CPQ: variants seen among roughly 807,000 people sequenced by gnomAD.
CPQ encodes the protein carboxypeptidase Q.
A neutral mutation model predicts 45.7 loss-of-function variants in CPQ; 37 were observed. That is an observed-to-expected ratio of 0.81 (90% CI 0.62 to 1.07). The LOEUF (loss-of-function observed/expected upper bound fraction) is 1.07. Among genes scored for constraint, CPQ ranks in the 50% least tolerant of loss-of-function variants. The probability of loss-of-function intolerance (pLI) is 0.00; values close to 1 mark genes in which losing one functional copy is unlikely to be tolerated. For synonymous variants in CPQ, 186 were observed against 205.8 expected (o/e 0.90, Z 0.82); for missense variants, 537 against 572.9 (o/e 0.94, Z 0.64).
intron 4 of CPQ, among the ~76,000 whole-genome samples, chr8:96,954,297 A>G: frequency 6.6e-6 from 1 of 152,120 alleles, no homozygotes; most frequent in East Asian, 1.9e-4. Context: ...TGATTATTCA[A>G]CACATGGCTA....
Position 96,951,940 on chromosome 8 carries a change from C to T in CPQ, c.850-13995C>T, listed in dbSNP as rs982515451. 1.2e-4 allele frequency among the ~76,000 whole-genome samples: 18 copies of T among 151,940 alleles called. 1 individual carries two copies. Among genetic ancestry groups the T allele is most frequent in the Admixed American group, 5.2e-4 (8 of 15,242 alleles). On this transcript the variant is annotated intron_variant, in intron 4 of 7. Coordinates refer to ENST00000220763, the MANE Select transcript of CPQ (RefSeq NM_016134.4). ...ATTTAAAGAGTTTACACTATGTGCCCGGAATATGATCATGATAAACAAGTC... is the reference window on the plus strand; with the variant it reads ...ATTTAAAGAGTTTACACTATGTGCCTGGAATATGATCATGATAAACAAGTC...
chr8:97,093,713 G>C (rs943086962), intron 7 of CPQ, among the ~76,000 whole-genome samples: 5 of 152,236 alleles, frequency 3.3e-5, no homozygotes, highest in Admixed American at 1.3e-4. Context: ...GGAGGACAAT[G>C]GCCCCTCTTC....
At chr8:97,122,927 T>A (rs566012254) in intron 7 of CPQ, among the ~76,000 whole-genome samples, 39 of 38,832 alleles carry the variant, frequency 1.0e-3, no homozygotes, top group South Asian at 5.0e-3. Flanking sequence ...TAAAATAAAA[T>A]AAATAAAATA....
At chr8:96,812,573 T>C (rs1424341930) in intron 2 of CPQ, among the ~76,000 whole-genome samples, 1 of 152,164 alleles carries the variant, frequency 6.6e-6, no homozygotes, top group Non-Finnish European at 1.5e-5. Context: ...CAGATTGTTT[T>C]GTTACTTAGT....
chr8:96,934,504 A>G (rs1813018559), intron 4 of CPQ, among the ~76,000 whole-genome samples: 1 of 152,130 alleles, frequency 6.6e-6, no homozygotes, highest in South Asian at 2.1e-4. Context: ...AGAAGAATGG[A>G]TAATAGGAAG....
At chr8:96,712,463 G>C (rs1809619165) in intron 1 of CPQ, among the ~76,000 whole-genome samples, 1 of 152,152 alleles carries the variant, frequency 6.6e-6, no homozygotes, top group African/African-American at 2.4e-5. Flanking sequence ...ACGTCTGCCT[G>C]GATATCCAGG....
At chr8:97,108,317 GAT>G (rs1811439110) in intron 7 of CPQ, among the ~76,000 whole-genome samples, 1 of 152,292 alleles carries the variant, frequency 6.6e-6, no homozygotes, top group South Asian at 2.1e-4. Context: ...CCTGACTTAT[GAT>G]ATAACAGGCA....
intron 1 of CPQ, among the ~76,000 whole-genome samples, chr8:96,670,428 G>A (rs1808987394): frequency 1.3e-5 from 2 of 150,968 alleles, no homozygotes; most frequent in South Asian, 4.2e-4. Flanking sequence ...AGGCAAATTA[G>A]CAAATATGGA....
chr8:96,878,032 G>A (rs1201341893), intron 3 of CPQ, among the ~76,000 whole-genome samples: 2 of 151,776 alleles, frequency 1.3e-5, no homozygotes, highest in African/African-American at 2.4e-5. Flanking sequence ...GCATGATCTC[G>A]GCTCACTGCA....
chr8:97,076,713 G>A (rs1161162617), intron 7 of CPQ, among the ~76,000 whole-genome samples: 4 of 152,134 alleles, frequency 2.6e-5, no homozygotes, highest in Admixed American at 2.6e-4. Flanking sequence ...TAGCGGGGGA[G>A]AGGGAGTGGG....
chr8:96,703,528 T>C (rs1809496056), intron 1 of CPQ, among the ~76,000 whole-genome samples: 2 of 152,142 alleles, frequency 1.3e-5, no homozygotes, highest in South Asian at 2.1e-4. Flanking sequence ...CTGGAACTAA[T>C]GTGTGTGTGT....
intron 1 of CPQ, among the ~76,000 whole-genome samples, chr8:96,723,593 A>T (rs991362736): frequency 6.6e-6 from 1 of 152,098 alleles, no homozygotes; most frequent in African/African-American, 2.4e-5. Context: ...CCCTCCCTAA[A>T]TGAGTACCTT....
In CPQ at chr8:96,803,702, C is replaced by T. The variant is rs115355239; in HGVS notation, c.433+18372C>T. Reference sequence around the variant, plus strand: ...CAATGGACCAGTGTAGTCACTGATCCCACCCATGTAGCATTTCTTATTTTC... The same window carrying T: ...CAATGGACCAGTGTAGTCACTGATCTCACCCATGTAGCATTTCTTATTTTC... On this transcript the variant is annotated intron_variant, in intron 2 of 7. Coordinates refer to ENST00000220763, the MANE Select transcript of CPQ (RefSeq NM_016134.4). 5.1e-3 allele frequency among the ~76,000 whole-genome samples: 781 copies of T among 152,082 alleles called. 4 individuals carry two copies. The highest frequency in any genetic ancestry group is 0.015 in the African/African-American group (623 of 41,442).
At chr8:96,683,633 C>T (rs775406567) in intron 1 of CPQ, among the ~76,000 whole-genome samples, 11 of 152,006 alleles carry the variant, frequency 7.2e-5, no homozygotes, top group Non-Finnish European at 1.6e-4. Context: ...TTATCTATCT[C>T]TTGCCCTTCT....
intron 4 of CPQ, among the ~76,000 whole-genome samples, chr8:96,931,068 A>G (rs888978833): frequency 1.3e-5 from 2 of 152,182 alleles, no homozygotes; most frequent in Admixed American, 6.5e-5. Flanking sequence ...TTGACCTTCC[A>G]TCAAACATAC....
intron 1 of CPQ, among the ~76,000 whole-genome samples, chr8:96,749,465 C>T (rs1042720763): frequency 6.6e-6 from 1 of 152,206 alleles, no homozygotes; most frequent in Non-Finnish European, 1.5e-5. Flanking sequence ...ATAACCCAGT[C>T]AGCAAAGATC....
intron 1 of CPQ, among the ~76,000 whole-genome samples, chr8:96,719,584 C>G (rs1366677046): frequency 6.6e-6 from 1 of 152,164 alleles, no homozygotes; most frequent in Non-Finnish European, 1.5e-5. Flanking sequence ...AAGTGGGAGC[C>G]CAGGCAGAGG....
chr8:96,807,710 T>C (rs1811103324), intron 2 of CPQ, among the ~76,000 whole-genome samples: 1 of 152,286 alleles, frequency 6.6e-6, no homozygotes, highest in African/African-American at 2.4e-5. Flanking sequence ...CTAAAGAAAC[T>C]TTTGCTTCAT....
intron 1 of CPQ, among the ~76,000 whole-genome samples, chr8:96,768,778 A>G (rs1810500878): frequency 6.6e-6 from 1 of 152,182 alleles, no homozygotes; most frequent in African/African-American, 2.4e-5. Flanking sequence ...ATTTGCAGCA[A>G]GATTCATTGA....
Sources: allele counts gnomAD v4.1 joint callset (sites outside exome capture counted in the v4.1 genomes callset), GRCh38; gene constraint gnomAD v4.1.1; transcripts MANE v1.5; gene names NCBI Gene and HGNC (gene_info 2026-07-23, HGNC 2026-07-21).